UNC13C: variants seen among roughly 807,000 people sequenced by gnomAD.
The protein encoded by UNC13C is unc-13 homolog C.
UNC13C carries 174 observed loss-of-function variants against 245.4 expected under a neutral mutation model. That is an observed-to-expected ratio of 0.71 (90% confidence interval 0.63 to 0.80). UNC13C has a LOEUF of 0.80. Among genes scored for constraint, UNC13C ranks in the 30% least tolerant of loss-of-function variants. UNC13C has a pLI of 0.00. For missense variants in UNC13C, 2,829 were observed against 2,602.9 expected (o/e 1.09, Z -1.89); for synonymous variants, 992 against 895.1 (o/e 1.11, Z -1.93).
intron 29 of UNC13C, among the ~76,000 whole-genome samples, chr15:54,561,076 G>T (rs1354767925): frequency 6.6e-6 from 1 of 151,840 alleles, no homozygotes; most frequent in African/African-American, 2.4e-5. Flanking sequence ...TATTAAATCT[G>T]ACTCTTTTCC....
intron 2 of UNC13C, among the ~76,000 whole-genome samples, chr15:54,127,660 C>G (rs2031136398): frequency 6.7e-6 from 1 of 150,274 alleles, no homozygotes; most frequent in Non-Finnish European, 1.5e-5. Context: ...ACCTATGTAA[C>G]AAACCTGCAC....
At position 54,607,141 on chromosome 15, in the gene UNC13C, C is replaced by T. The variant is rs55709902; in HGVS notation, c.6107-15186C>T. On this transcript the variant is annotated intron_variant, in intron 30 of 32. Coordinates refer to ENST00000260323, the MANE Select transcript of UNC13C (RefSeq NM_001080534.3). ...GACTTAAATGAGTTGGTATCTAGTTCTATGTCAAATCCTGTGTTATGAATG... is the reference window on the plus strand; with the variant it reads ...GACTTAAATGAGTTGGTATCTAGTTTTATGTCAAATCCTGTGTTATGAATG... Among the ~76,000 whole-genome samples the T allele has an allele frequency of 9.1e-3, 1,383 of 152,150 alleles. 21 individuals are homozygous for T. The highest frequency in any genetic ancestry group is 0.032 in the African/African-American group (1,329 of 41,500).
At chr15:54,458,947 T>C (rs909781309) in intron 19 of UNC13C, among the ~76,000 whole-genome samples, 5 of 152,126 alleles carry the variant, frequency 3.3e-5, no homozygotes, top group African/African-American at 1.2e-4. Flanking sequence ...ATAGCAGTTG[T>C]TGACTTAGTA....
At chr15:53,867,487 A>T in the UNC13C span, among the ~76,000 whole-genome samples, 1 of 152,174 alleles carries the variant, frequency 6.6e-6, no homozygotes, top group African/African-American at 2.4e-5. Flanking sequence ...AAGCCGCTTT[A>T]CAACTTCTGC....
At chr15:54,121,726 T>A (rs1018969743) in intron 2 of UNC13C, among the ~76,000 whole-genome samples, 1 of 152,088 alleles carries the variant, frequency 6.6e-6, no homozygotes, top group African/African-American at 2.4e-5. Flanking sequence ...ATTGTCTTTA[T>A]ATATTAATTT....
chr15:54,446,983 G>A (rs1890852056), intron 19 of UNC13C, among the ~76,000 whole-genome samples: 2 of 152,146 alleles, frequency 1.3e-5, no homozygotes, highest in African/African-American at 4.8e-5. Context: ...CTAATTTATT[G>A]AGAGTTTTTA....
At chr15:54,407,909 A>G (rs1297672687) in intron 18 of UNC13C, among the ~76,000 whole-genome samples, 4 of 152,100 alleles carry the variant, frequency 2.6e-5, no homozygotes, top group Admixed American at 2.0e-4. Flanking sequence ...TTGTTGTAAA[A>G]GAAAAGAATG....
intron 19 of UNC13C, among the ~76,000 whole-genome samples, chr15:54,450,155 C>A (rs562732919): frequency 1.3e-5 from 2 of 152,166 alleles, no homozygotes; most frequent in Admixed American, 1.3e-4. Context: ...GGCTACCCAG[C>A]CACGATGAGG....
chr15:54,192,489 T>C (rs2034218387), intron 4 of UNC13C, among the ~76,000 whole-genome samples: 1 of 152,160 alleles, frequency 6.6e-6, no homozygotes, highest in Admixed American at 6.6e-5. Context: ...ACAACTGTGA[T>C]TGGCAGCTGC....
chr15:54,285,491 T>A (rs767932620), intron 10 of UNC13C, among the ~76,000 whole-genome samples: 5 of 152,184 alleles, frequency 3.3e-5, no homozygotes, highest in African/African-American at 4.8e-5. Context: ...ATGTGAAAGT[T>A]GAGTGTCTTA....
At chr15:54,513,873 TCTC>T (rs1894858824) in intron 24 of UNC13C, among the ~76,000 whole-genome samples, 1 of 152,176 alleles carries the variant, frequency 6.6e-6, no homozygotes, top group Non-Finnish European at 1.5e-5. Context: ...GTTTTCTTTT[TCTC>T]CTCTCTATGC....
At chr15:54,600,109 C>T (rs1318237038) in intron 30 of UNC13C, among the ~76,000 whole-genome samples, 2 of 151,992 alleles carry the variant, frequency 1.3e-5, no homozygotes, top group Non-Finnish European at 2.9e-5. Flanking sequence ...GAACACCATT[C>T]CTACTCTCCA....
chr15:54,573,772 A>G (rs1897852175), intron 30 of UNC13C, among the ~76,000 whole-genome samples: 1 of 152,218 alleles, frequency 6.6e-6, no homozygotes. Context: ...TACAGAGGCC[A>G]GGAATGCTGC....
intron 4 of UNC13C, among the ~76,000 whole-genome samples, chr15:54,232,178 A>G (rs1439758107): frequency 6.6e-6 from 1 of 152,116 alleles, no homozygotes; most frequent in Non-Finnish European, 1.5e-5. Context: ...ATGAAAATAT[A>G]AAAGTATAAG....
At position 54,564,295 on chromosome 15, in the gene UNC13C, G is replaced by A. The variant is rs764547985; in HGVS notation, c.5959-3505G>A. 1.8e-4 allele frequency among the ~76,000 whole-genome samples: 27 copies of A among 151,878 alleles called. 1 individual carries two copies. Among genetic ancestry groups the A allele is most frequent in the Admixed American group, 7.9e-4 (12 of 15,208 alleles). Reference sequence around the variant, plus strand: ...TAAATATCCTGCTAGAGACTTTAACGGAATAACAAGTAAAACTCTATGGCT... The same window carrying A: ...TAAATATCCTGCTAGAGACTTTAACAGAATAACAAGTAAAACTCTATGGCT... On this transcript the variant is annotated intron_variant, in intron 29 of 32. Coordinates refer to ENST00000260323, the MANE Select transcript of UNC13C (RefSeq NM_001080534.3).
chr15:54,061,986 A>AT (rs1897860111), intron 2 of UNC13C, among the ~76,000 whole-genome samples: 1 of 152,124 alleles, frequency 6.6e-6, no homozygotes, highest in Non-Finnish European at 1.5e-5. Flanking sequence ...TCATGCCAAG[A>AT]TGGGGAGTGA....
chr15:54,242,306 T>C (rs1039032961), intron 7 of UNC13C, among the ~76,000 whole-genome samples: 2 of 152,184 alleles, frequency 1.3e-5, no homozygotes, highest in East Asian at 1.9e-4. Context: ...TTTTTGACTG[T>C]TGAATCAACT....
downstream of UNC13C, chr15:54,633,397 G>C (rs1044404099): frequency 5.9e-5 from 9 of 151,952 alleles, no homozygotes; most frequent in African/African-American, 2.2e-4. Flanking sequence ...GTTACTTTGA[G>C]AATAAAATTC....
rs758019097 is a variant in UNC13C at position 54,014,671 on chromosome 15, A to G, written c.1768A>G (p.Lys590Glu). Residue 590 changes from lysine to glutamate, a missense_variant, in exon 2 of 33, where the codon AAA becomes GAA. Transcript: ENST00000260323. ...SSSDRELWQR[K>E]QEGTATLYDS... is the part of the protein sequence containing the mutation. The stretch of plus-strand genomic sequence containing the variant: ...TTCGGACCGGGAGCTATGGCAGAGG[A>G]AACAGGAAGGAACAGCGACCCTGTA... The G allele has an allele frequency of 1.9e-6, 3 of 1,613,778 alleles. No homozygotes were observed. Among genetic ancestry groups the G allele is most frequent in the Non-Finnish European group, 2.5e-6 (3 of 1,179,822 alleles).
Sources: gnomAD v4.1 joint callset for allele counts (sites outside exome capture counted in the v4.1 genomes callset) on GRCh38, gnomAD v4.1.1 for gene constraint, MANE v1.5 for transcripts, NCBI Gene and HGNC (gene_info 2026-07-23, HGNC 2026-07-21) for gene names.